FSTL5: variants seen among roughly 807,000 people sequenced by gnomAD.
FSTL5 encodes the protein follistatin like 5.
In FSTL5, 62 loss-of-function variants were observed where a neutral mutation model predicts 89.1. That is an observed-to-expected ratio of 0.70 (90% CI 0.57 to 0.86). FSTL5 has a LOEUF of 0.86. FSTL5 is among the 40% of genes least tolerant of loss of function. FSTL5 has a pLI of 0.00. For synonymous variants in FSTL5, 383 were observed against 346.2 expected, an observed-to-expected ratio of 1.11 and a Z score of -1.18; for missense variants, 1,057 against 1,001.6, an observed-to-expected ratio of 1.06 and a Z score of -0.75.
chr4:162,149,964 A>C (rs575374911), intron 1 of FSTL5, among the ~76,000 whole-genome samples: 90 of 152,080 alleles, frequency 5.9e-4, no homozygotes, highest in Admixed American at 2.6e-3. Flanking sequence ...ACATTAATAA[A>C]ATTTGTTTTA....
intron 15 of FSTL5, among the ~76,000 whole-genome samples, chr4:161,425,884 C>T (rs1560888908): frequency 6.6e-6 from 1 of 151,832 alleles, no homozygotes; most frequent in Admixed American, 6.6e-5. Flanking sequence ...AGGAGTGAGG[C>T]AACCGCTTCT....
At chr4:161,732,508 T>G (rs1027991055) in intron 6 of FSTL5, among the ~76,000 whole-genome samples, 1 of 152,040 alleles carries the variant, frequency 6.6e-6, no homozygotes, top group Non-Finnish European at 1.5e-5. Flanking sequence ...TAAAATATAT[T>G]TGAATAATTT....
chr4:161,533,663 C>T (rs1326868252), intron 10 of FSTL5, among the ~76,000 whole-genome samples: 1 of 152,020 alleles, frequency 6.6e-6, no homozygotes, highest in Non-Finnish European at 1.5e-5. Context: ...GCATGGATAC[C>T]AATCCTACTG....
intron 4 of FSTL5, among the ~76,000 whole-genome samples, chr4:161,878,676 T>G (rs945563904): frequency 1.3e-5 from 2 of 152,074 alleles, no homozygotes; most frequent in Non-Finnish European, 2.9e-5. Flanking sequence ...TAAAATAAAA[T>G]AGAATATCCC....
intron 11 of FSTL5, among the ~76,000 whole-genome samples, chr4:161,500,994 T>A (rs967545277): frequency 3.9e-5 from 6 of 152,126 alleles, no homozygotes; most frequent in Admixed American, 2.0e-4. Flanking sequence ...TTGTAATCCT[T>A]CCTTTTCTGG....
intron 15 of FSTL5, among the ~76,000 whole-genome samples, chr4:161,437,293 G>A (rs925282988): frequency 2.6e-5 from 4 of 152,012 alleles, no homozygotes; most frequent in Non-Finnish European, 4.4e-5. Flanking sequence ...CGGGCAGGGC[G>A]CAGTGGCTCA....
At chr4:161,778,455 G>A (rs1344740429) in intron 4 of FSTL5, among the ~76,000 whole-genome samples, 3 of 152,144 alleles carry the variant, frequency 2.0e-5, no homozygotes, top group Non-Finnish European at 4.4e-5. Flanking sequence ...ATTTAAATAT[G>A]TGTCTGAGAA....
chr4:161,792,714 C>A (rs907551130), intron 4 of FSTL5, among the ~76,000 whole-genome samples: 2 of 152,130 alleles, frequency 1.3e-5, no homozygotes, highest in Non-Finnish European at 2.9e-5. Context: ...TTGTGACTAG[C>A]AGCTACCCAC....
chr4:161,541,394 G>A (rs971468266), intron 9 of FSTL5, among the ~76,000 whole-genome samples: 5 of 151,912 alleles, frequency 3.3e-5, no homozygotes, highest in Non-Finnish European at 2.9e-5. Context: ...TATTAAATGG[G>A]CAAGAGACAA....
chr4:161,842,908 A>G (rs575801462), intron 4 of FSTL5, among the ~76,000 whole-genome samples: 1 of 152,280 alleles, frequency 6.6e-6, no homozygotes, highest in South Asian at 2.1e-4. Flanking sequence ...TTATTACCTT[A>G]AGGAAATGAG....
intron 4 of FSTL5, among the ~76,000 whole-genome samples, chr4:161,842,052 C>T (rs1731227480): frequency 6.6e-6 from 1 of 152,094 alleles, no homozygotes; most frequent in South Asian, 2.1e-4. Context: ...ATATAAATAG[C>T]TGCAAATTGA....
intron 3 of FSTL5, among the ~76,000 whole-genome samples, chr4:161,961,105 G>A (rs925025400): frequency 1.3e-5 from 2 of 151,640 alleles, no homozygotes; most frequent in Admixed American, 6.6e-5. Context: ...AGATAACTTC[G>A]ATTATATCTT....
intron 2 of FSTL5, among the ~76,000 whole-genome samples, chr4:162,094,986 T>A (rs1730694855): frequency 6.6e-6 from 1 of 152,258 alleles, no homozygotes; most frequent in South Asian, 2.1e-4. Flanking sequence ...TGGGTACTGA[T>A]GGCAATATTT....
chr4:162,154,884 G>A (rs1733406763), intron 1 of FSTL5, among the ~76,000 whole-genome samples: 3 of 151,914 alleles, frequency 2.0e-5, no homozygotes, highest in African/African-American at 2.4e-5. Flanking sequence ...AACAGCCTAC[G>A]ACATATTAAC....
chr4:161,941,866 C>G (rs1305213766), intron 3 of FSTL5, among the ~76,000 whole-genome samples: 1 of 151,694 alleles, frequency 6.6e-6, no homozygotes, highest in African/African-American at 2.4e-5. Flanking sequence ...AAAACATGCC[C>G]CAGGATATGT....
intron 3 of FSTL5, among the ~76,000 whole-genome samples, chr4:161,996,757 G>GTT (rs1192543272): frequency 6.6e-6 from 1 of 152,122 alleles, no homozygotes; most frequent in African/African-American, 2.4e-5. Flanking sequence ...GCTTCCAACA[G>GTT]TTATTGCTCT....
Position 162,118,643 on chromosome 4 carries a change from G to A in FSTL5, c.-16-7231C>T, listed in dbSNP as rs958870776. On this transcript the variant is annotated intron_variant, in intron 1 of 15. Transcript: ENST00000306100. ...TCTCCTCATTAGAGAATTGGCTGCCGCCCCGTCATTGTACCAGCTGCAAAT... is the reference window on the plus strand; with the variant it reads ...TCTCCTCATTAGAGAATTGGCTGCCACCCCGTCATTGTACCAGCTGCAAAT... Among the ~76,000 whole-genome samples, 8 of 152,086 alleles carry A rather than the reference G, an allele frequency of 5.3e-5. No individual in the cohort carries two copies. In the South Asian group the frequency reaches 1.2e-3, roughly 24 times the overall value.
At chr4:161,532,156 G>C (rs1440940142) in intron 10 of FSTL5, among the ~76,000 whole-genome samples, 1 of 150,420 alleles carries the variant, frequency 6.6e-6, no homozygotes, top group African/African-American at 2.5e-5. Context: ...AGTGAGCGGA[G>C]ATCACGCCAC....
intron 3 of FSTL5, among the ~76,000 whole-genome samples, chr4:161,930,746 T>C (rs1734263607): frequency 6.6e-6 from 1 of 151,888 alleles, no homozygotes; most frequent in African/African-American, 2.4e-5. Flanking sequence ...CTCCAACAGA[T>C]GTGTTTTAAA....
Sources: gnomAD v4.1 joint callset for allele counts (sites outside exome capture counted in the v4.1 genomes callset) on GRCh38, gnomAD v4.1.1 for gene constraint, MANE v1.5 for transcripts, NCBI Gene and HGNC (gene_info 2026-07-23, HGNC 2026-07-21) for gene names.